The following SLC35F4 variants were observed in gnomAD, a reference collection of about 807,000 sequenced individuals.
The protein encoded by SLC35F4 is solute carrier family 35 member F4.
SLC35F4 carries 24 observed loss-of-function variants against 44.2 expected under a neutral mutation model. The observed-to-expected ratio is 0.54, with a 90% CI of 0.39 to 0.76. SLC35F4 has a LOEUF of 0.76. Ranked by LOEUF, SLC35F4 falls within the 30% of genes least tolerant of loss-of-function variation. SLC35F4 has a pLI of 0.00. For synonymous variants in SLC35F4, 238 were observed against 223.6 expected (o/e 1.06, Z -0.57); for missense variants, 562 against 586.1 (o/e 0.96, Z 0.42).
chr14:57,827,707 A>G (rs8008397), intron 1 of SLC35F4, among the ~76,000 whole-genome samples: 27,411 of 151,804 alleles, frequency 0.18, 3,516 homozygotes, highest in African/African-American at 0.37. Context: ...CTCCACAGTG[A>G]GGCACAATAG....
At chr14:57,924,962 C>A (rs1425383060) in intron 1 of SLC35F4, among the ~76,000 whole-genome samples, 1 of 151,898 alleles carries the variant, frequency 6.6e-6, no homozygotes, top group Non-Finnish European at 1.5e-5. Context: ...CACTATGTTG[C>A]CCCGGCTGGT....
intron 1 of SLC35F4, among the ~76,000 whole-genome samples, chr14:57,805,717 C>A (rs1055671429): frequency 1.3e-5 from 2 of 152,158 alleles, no homozygotes; most frequent in African/African-American, 4.8e-5. Context: ...AGCAAACCAC[C>A]ATGGCACACG....
chr14:57,612,392 C>T (rs1315594732), intron 1 of SLC35F4, among the ~76,000 whole-genome samples: 1 of 152,208 alleles, frequency 6.6e-6, no homozygotes, highest in African/African-American at 2.4e-5. Flanking sequence ...CGCTTCTCCC[C>T]ACCCAGCAGT....
chr14:57,960,105 T>C (rs1164476197), intron 1 of SLC35F4, among the ~76,000 whole-genome samples: 1 of 152,194 alleles, frequency 6.6e-6, no homozygotes, highest in East Asian at 1.9e-4. Flanking sequence ...ATGGGAGTAA[T>C]GAGAATAGTT....
chr14:57,633,099 C>T (rs945773322), intron 1 of SLC35F4, among the ~76,000 whole-genome samples: 3 of 152,166 alleles, frequency 2.0e-5, no homozygotes, highest in South Asian at 2.1e-4. Flanking sequence ...TTCCAATGTC[C>T]GCATGTACCA....
At chr14:57,907,484 T>C (rs1889125324) in intron 1 of SLC35F4, among the ~76,000 whole-genome samples, 1 of 152,130 alleles carries the variant, frequency 6.6e-6, no homozygotes, top group Admixed American at 6.6e-5. Flanking sequence ...TCTTAGCAAA[T>C]AGTGACTAAG....
chr14:57,868,030 G>C (rs1888220048), upstream of SLC35F4, among the ~76,000 whole-genome samples: 1 of 151,974 alleles, frequency 6.6e-6, no homozygotes, highest in Non-Finnish European at 1.5e-5. Context: ...CCTTCTTCCT[G>C]CTTTTGCTTT....
chr14:57,980,836 T>A (rs1881357663), intron 1 of SLC35F4, among the ~76,000 whole-genome samples: 1 of 152,214 alleles, frequency 6.6e-6, no homozygotes, highest in Non-Finnish European at 1.5e-5. Flanking sequence ...AATAGCTACA[T>A]GTGGCTAGTG....
At chr14:57,657,504 A>G (rs144661604) in intron 1 of SLC35F4, among the ~76,000 whole-genome samples, 1 of 152,262 alleles carries the variant, frequency 6.6e-6, no homozygotes, top group African/African-American at 2.4e-5. Context: ...CCTCACAGTA[A>G]ACGTTGCTAG....
chr14:57,730,856 A>G (rs894341410), intron 1 of SLC35F4, among the ~76,000 whole-genome samples: 15 of 152,198 alleles, frequency 9.9e-5, no homozygotes, highest in African/African-American at 3.6e-4. Context: ...GATACAAAGA[A>G]GAGACCAGTT....
intron 4 of SLC35F4, among the ~76,000 whole-genome samples, chr14:57,579,833 C>T (rs1417902435): frequency 6.6e-6 from 1 of 152,158 alleles, no homozygotes; most frequent in East Asian, 1.9e-4. Context: ...TGGCTCAGTG[C>T]TCTGTTGTTG....
chr14:57,682,491 G>A (rs1209812208), intron 1 of SLC35F4, among the ~76,000 whole-genome samples: 2 of 151,872 alleles, frequency 1.3e-5, no homozygotes, highest in Non-Finnish European at 2.9e-5. Context: ...CCTGTCATGG[G>A]GTAGGGGGCT....
In SLC35F4 at chr14:57,671,123, C is replaced by T. The variant is rs776270358; in HGVS notation, c.104-76999G>A. Among the ~76,000 whole-genome samples, 6 of 151,972 alleles carry T rather than the reference C, an allele frequency of 3.9e-5. No homozygotes were observed. The South Asian group carries it at 8.3e-4, about 21-fold the overall frequency. Reference sequence around the variant, plus strand: ...TTCACTATGTTGGCCAGCATAGTCTCGGTCTCCTGACCTCAACTCACCCAT... The same window carrying T: ...TTCACTATGTTGGCCAGCATAGTCTTGGTCTCCTGACCTCAACTCACCCAT... On this transcript the variant is annotated intron_variant, in intron 1 of 7. Transcript: ENST00000556826.
intron 1 of SLC35F4, among the ~76,000 whole-genome samples, chr14:57,952,625 A>G: frequency 6.6e-6 from 1 of 151,892 alleles, no homozygotes; most frequent in East Asian, 2.0e-4. Context: ...CACAGCACAA[A>G]AACTTCATGA....
chr14:57,595,726 A>G (rs1355468421), intron 1 of SLC35F4: 1 of 152,198 alleles, frequency 6.6e-6, no homozygotes, highest in Non-Finnish European at 1.5e-5. Flanking sequence ...TAGATTGGCT[A>G]CTGAGTACCT....
At chr14:57,567,409 TG>T (rs2139670824) in intron 6 of SLC35F4, among the ~76,000 whole-genome samples, 1 of 152,320 alleles carries the variant, frequency 6.6e-6, no homozygotes, top group East Asian at 1.9e-4. Flanking sequence ...GAGGCAAGCA[TG>T]TTGTGTATAT....
intron 1 of SLC35F4, among the ~76,000 whole-genome samples, chr14:57,669,964 C>G (rs1181752790): frequency 1.3e-5 from 2 of 151,956 alleles, no homozygotes; most frequent in Non-Finnish European, 2.9e-5. Context: ...TGGTCCTGGA[C>G]TTTTTTTGGT....
chr14:57,692,880 G>T (rs1159936557), intron 1 of SLC35F4, among the ~76,000 whole-genome samples: 7 of 152,120 alleles, frequency 4.6e-5, no homozygotes, highest in African/African-American at 7.2e-5. Flanking sequence ...GGTGGAGCTA[G>T]TGTCCTAAAA....
intron 1 of SLC35F4, among the ~76,000 whole-genome samples, chr14:57,813,165 A>G (rs1285080866): frequency 6.6e-6 from 1 of 152,158 alleles, no homozygotes; most frequent in Non-Finnish European, 1.5e-5. Context: ...CTCACTTCCC[A>G]CCAATTATGC....
Sources: allele counts gnomAD v4.1 joint callset (sites outside exome capture counted in the v4.1 genomes callset), GRCh38; gene constraint gnomAD v4.1.1; transcripts MANE v1.5; gene names NCBI Gene and HGNC (gene_info 2026-07-23, HGNC 2026-07-21).